ANO4: variants seen among roughly 807,000 people sequenced by gnomAD.
The protein encoded by ANO4 is anoctamin 4.
ANO4 carries 69 observed loss-of-function variants against 141.9 expected under a neutral mutation model. That is an observed-to-expected ratio of 0.49 (90% CI 0.40 to 0.59). The LOEUF is 0.59. Among genes scored for constraint, ANO4 ranks in the 20% least tolerant of loss-of-function variants. ANO4 has a pLI of 0.00. For missense variants in ANO4, 894 were observed against 1,162.2 expected, an observed-to-expected ratio of 0.77 and a Z score of 3.36; for synonymous variants, 350 against 394.3, an observed-to-expected ratio of 0.89 and a Z score of 1.33.
intron 8 of ANO4, among the ~76,000 whole-genome samples, chr12:101,007,163 G>A (rs1329826402): frequency 6.6e-6 from 1 of 152,108 alleles, no homozygotes; most frequent in South Asian, 2.1e-4. Flanking sequence ...GAGCAGCCTG[G>A]CCAACGTGGC....
At chr12:100,821,971 C>T (rs1247252791) in intron 1 of ANO4, among the ~76,000 whole-genome samples, 1 of 151,938 alleles carries the variant, frequency 6.6e-6, no homozygotes, top group Non-Finnish European at 1.5e-5. Context: ...ATTTCCTCCA[C>T]ATCCCCATCA....
In ANO4 at chr12:100,922,343, C is replaced by G. The variant is rs559027062; in HGVS notation, c.160+13C>G. On this transcript the variant is annotated intron_variant, in intron 3 of 27. Coordinates refer to ENST00000392977, the MANE Select transcript of ANO4 (RefSeq NM_001286615.2). ...GCAATACAAGAAAGTAAGTTTCACTCAAATTTTAAATTCGCCGTGAGAGAA... is the reference window on the plus strand; with the variant it reads ...GCAATACAAGAAAGTAAGTTTCACTGAAATTTTAAATTCGCCGTGAGAGAA... The G allele has an allele frequency of 2.0e-6, 3 of 1,505,916 alleles. No homozygotes were observed. The highest frequency in any genetic ancestry group is 2.6e-6 in the Non-Finnish European group (3 of 1,132,276). The allele number at this position is 1,505,916 out of a possible 1,614,324, so 93.3% of individuals were successfully genotyped here.
intron 1 of ANO4, among the ~76,000 whole-genome samples, chr12:100,885,290 C>T (rs2039774096): frequency 6.6e-6 from 1 of 152,256 alleles, no homozygotes; most frequent in South Asian, 2.1e-4. Flanking sequence ...GTCTACCACA[C>T]AACCGACATT....
At chr12:100,780,812 G>A (rs1272834788) in intron 3 of ANO4, among the ~76,000 whole-genome samples, 1 of 152,252 alleles carries the variant, frequency 6.6e-6, no homozygotes, top group South Asian at 2.1e-4. Context: ...CCAAAACGCT[G>A]GGATTACAGG....
intron 16 of ANO4, among the ~76,000 whole-genome samples, chr12:101,084,695 A>G (rs1460894444): frequency 2.0e-5 from 3 of 152,234 alleles, no homozygotes; most frequent in Non-Finnish European, 2.9e-5. Context: ...ATGCCTGTCT[A>G]CAGATACTGC....
intron 22 of ANO4, among the ~76,000 whole-genome samples, chr12:101,103,710 C>T (rs973434154): frequency 2.0e-4 from 31 of 151,784 alleles, no homozygotes; most frequent in African/African-American, 6.5e-4. Context: ...TTTCTTGTAA[C>T]GTTTCATTTA....
In ANO4 at chr12:100,739,831, A is replaced by G. The variant is rs1324351474; in HGVS notation, c.107-23A>G. ...TATATGGCTTTGATTGCTGCCACTC[A>G]CCTAATATGTTTATCTCACCAGGTT... On this transcript the variant is annotated intron_variant, in intron 2 of 29. Transcript: ENST00000644049. 4.3e-6 allele frequency: 3 copies of G among 700,070 alleles called. No individual in the cohort carries two copies. The African/African-American group carries it at 5.2e-5, about 12-fold the overall frequency. The allele number at this position is 700,070 out of a possible 1,614,324, so 43.4% of individuals were successfully genotyped here. A position where few individuals can be genotyped will look rare whatever the true frequency, so the allele number is the denominator to read the frequency against.
chr12:101,042,296 C>G, intron 11 of ANO4, 38 bp from the exon 12 acceptor site: 21 of 1,612,964 alleles, frequency 1.3e-5, no homozygotes, highest in Non-Finnish European at 1.8e-5. Context: ...ACTTTACACA[C>G]TGCACTGTAA....
chr12:100,767,007 C>A (rs2033116394), intron 3 of ANO4, among the ~76,000 whole-genome samples: 1 of 152,070 alleles, frequency 6.6e-6, no homozygotes, highest in South Asian at 2.1e-4. Flanking sequence ...AGTCTATATT[C>A]TGAACACTCC....
chr12:100,920,988 T>C (rs1014544529), intron 2 of ANO4, among the ~76,000 whole-genome samples: 1 of 152,142 alleles, frequency 6.6e-6, no homozygotes, highest in African/African-American at 2.4e-5. Flanking sequence ...GAAACTAAAA[T>C]TTAGAGAGGT....
intron 14 of ANO4, among the ~76,000 whole-genome samples, chr12:101,074,038 G>T (rs1004159782): frequency 2.0e-5 from 3 of 152,116 alleles, no homozygotes; most frequent in African/African-American, 7.2e-5. Flanking sequence ...CCTTTTCTAA[G>T]ATCTGTGAGG....
chr12:100,876,608 G>A (rs1040750453), intron 1 of ANO4, among the ~76,000 whole-genome samples: 3 of 152,214 alleles, frequency 2.0e-5, no homozygotes, highest in African/African-American at 7.2e-5. Flanking sequence ...GTAAGTCAAG[G>A]ACAATGGAGG....
At position 100,820,957 on chromosome 12, in the gene ANO4, T is replaced by G. The variant is rs183809727; in HGVS notation, c.-141+25930T>G. On this transcript the variant is annotated intron_variant, in intron 1 of 27. Coordinates refer to ENST00000392977, the MANE Select transcript of ANO4 (RefSeq NM_001286615.2). ...ATCATTTCTTGTATCTTATTTTTGT[T>G]GGTCAGCATTATAGCTAGTTGTTGG... 5.2e-4 allele frequency among the ~76,000 whole-genome samples: 79 copies of G among 152,132 alleles called. 1 individual carries two copies. The East Asian group carries it at 0.012, about 24-fold the overall frequency.
Position 100,895,677 on chromosome 12 carries a change from TCA to T in ANO4, c.-140-5968_-140-5967del, listed in dbSNP as rs541035756. The stretch of plus-strand genomic sequence containing the variant: ...CTTGGGTTCAAGCGATTCTCCTGTC[TCA>T]GTCTCCCGAGTAGTTGGGATGACAG... On this transcript the variant is annotated intron_variant, in intron 1 of 27. Coordinates refer to ENST00000392977, the MANE Select transcript of ANO4 (RefSeq NM_001286615.2). Among the ~76,000 whole-genome samples, 120 of 151,608 alleles carry T rather than the reference TCA, an allele frequency of 7.9e-4. 1 individual carries two copies. The highest frequency in any genetic ancestry group is 2.8e-3 in the African/African-American group (116 of 41,168).
intron 1 of ANO4, among the ~76,000 whole-genome samples, chr12:100,817,178 A>G (rs949753717): frequency 5.9e-5 from 9 of 151,882 alleles, no homozygotes; most frequent in African/African-American, 1.9e-4. Context: ...CTTTCAACAT[A>G]TATATTAAAA....
intron 1 of ANO4, among the ~76,000 whole-genome samples, chr12:100,848,951 G>C (rs2037725347): frequency 6.6e-6 from 1 of 152,136 alleles, no homozygotes; most frequent in Admixed American, 6.5e-5. Flanking sequence ...GTTATGAATG[G>C]AATAAGTTGC....
At chr12:100,954,582 C>A (rs2043105087) in intron 5 of ANO4, among the ~76,000 whole-genome samples, 1 of 152,142 alleles carries the variant, frequency 6.6e-6, no homozygotes, top group Non-Finnish European at 1.5e-5. Flanking sequence ...GAAGGAGGTG[C>A]TAAGGTGACA....
At chr12:100,848,125 GT>G (rs999174094) in intron 1 of ANO4, among the ~76,000 whole-genome samples, 2 of 151,850 alleles carry the variant, frequency 1.3e-5, no homozygotes, top group African/African-American at 4.8e-5. Flanking sequence ...GATTTCATTT[GT>G]TTTTTTTCTT....
intron 5 of ANO4, among the ~76,000 whole-genome samples, chr12:100,949,974 T>A (rs1410920659): frequency 6.6e-6 from 1 of 152,198 alleles, no homozygotes; most frequent in African/African-American, 2.4e-5. Context: ...GCTAATCTCA[T>A]GCAGATGGCT....
Sources: allele counts gnomAD v4.1 joint callset (sites outside exome capture counted in the v4.1 genomes callset), GRCh38; gene constraint gnomAD v4.1.1; transcripts MANE v1.5; gene names NCBI Gene and HGNC (gene_info 2026-07-23, HGNC 2026-07-21).